The following ST6GALNAC3 variants were observed in gnomAD, a reference collection of about 807,000 sequenced individuals.
ST6GALNAC3 encodes the protein alpha-N-acetylgalactosaminide alpha-2,6-sialyltransferase 3.
In ST6GALNAC3, 25 loss-of-function variants were observed where a neutral mutation model predicts 32.7. The ratio of observed to expected loss-of-function variants is 0.76; its 90% CI spans 0.56 to 1.07. The LOEUF (loss-of-function observed/expected upper bound fraction) is 1.07, where lower values mean the gene tolerates loss of function less well. Ranked by LOEUF, ST6GALNAC3 falls within the 50% of genes least tolerant of loss-of-function variation. The pLI, the probability that ST6GALNAC3 is intolerant of heterozygous loss-of-function variation, is 0.00. For synonymous variants in ST6GALNAC3, 129 were observed against 133.1 expected, an observed-to-expected ratio of 0.97 and a Z score of 0.21; for missense variants, 355 against 382.4, an observed-to-expected ratio of 0.93 and a Z score of 0.60.
intron 3 of ST6GALNAC3, among the ~76,000 whole-genome samples, chr1:76,624,686 G>T (rs1434426111): frequency 6.6e-6 from 1 of 151,596 alleles, no homozygotes; most frequent in Non-Finnish European, 1.5e-5. Context: ...TAGCACTATG[G>T]TTCAGTTATG....
At chr1:76,386,921 TA>T (rs1652140186) in intron 2 of ST6GALNAC3, among the ~76,000 whole-genome samples, 2 of 152,280 alleles carry the variant, frequency 1.3e-5, no homozygotes, top group Non-Finnish European at 2.9e-5. Context: ...ATGGAAGTTT[TA>T]TTTTAGGGCC....
intron 1 of ST6GALNAC3, among the ~76,000 whole-genome samples, chr1:76,102,414 G>C (rs1647264481): frequency 6.6e-6 from 1 of 151,984 alleles, no homozygotes; most frequent in Admixed American, 6.6e-5. Flanking sequence ...ATACACGGGT[G>C]GGTTGAAATT....
intron 1 of ST6GALNAC3, among the ~76,000 whole-genome samples, chr1:76,094,860 C>T (rs1386870317): frequency 6.6e-6 from 1 of 152,038 alleles, no homozygotes; most frequent in Non-Finnish European, 1.5e-5. Flanking sequence ...TATCTCTGAA[C>T]AGATTCCTCA....
At chr1:76,569,709 T>C (rs982573121) in intron 3 of ST6GALNAC3, among the ~76,000 whole-genome samples, 3 of 152,110 alleles carry the variant, frequency 2.0e-5, no homozygotes, top group African/African-American at 7.2e-5. Context: ...TCACCATATA[T>C]ATTTCTTATG....
intron 1 of ST6GALNAC3, among the ~76,000 whole-genome samples, chr1:76,152,975 G>T (rs1651147706): frequency 6.6e-6 from 1 of 152,120 alleles, no homozygotes; most frequent in Admixed American, 6.5e-5. Context: ...AAAATGTTGT[G>T]CAAGTCTTAT....
chr1:76,192,447 G>A (rs1653950288), intron 1 of ST6GALNAC3, among the ~76,000 whole-genome samples: 1 of 152,086 alleles, frequency 6.6e-6, no homozygotes, highest in African/African-American at 2.4e-5. Flanking sequence ...TGCTCTCACA[G>A]GACATCTGTG....
chr1:76,085,482 A>T (rs773846654), intron 1 of ST6GALNAC3, among the ~76,000 whole-genome samples: 4 of 152,164 alleles, frequency 2.6e-5, no homozygotes, highest in African/African-American at 4.8e-5. Context: ...GGAAGAGGAG[A>T]CTGAAGCTTA....
chr1:76,252,853 A>G (rs1018290329), intron 1 of ST6GALNAC3, among the ~76,000 whole-genome samples: 4 of 152,148 alleles, frequency 2.6e-5, no homozygotes, highest in South Asian at 4.1e-4. Flanking sequence ...TCATAAGGCA[A>G]TCTCTCATGG....
chr1:76,457,498 A>G (rs1375462823), intron 3 of ST6GALNAC3, among the ~76,000 whole-genome samples: 2 of 151,220 alleles, frequency 1.3e-5, no homozygotes, highest in Admixed American at 1.3e-4. Context: ...CTATACTACA[A>G]GTAACCAAAA....
intron 3 of ST6GALNAC3, among the ~76,000 whole-genome samples, chr1:76,505,283 C>T (rs937266929): frequency 1.3e-5 from 2 of 151,976 alleles, no homozygotes; most frequent in Non-Finnish European, 2.9e-5. Context: ...CCACCATGCC[C>T]AGCTAATTTT....
rs115820636 is a variant in ST6GALNAC3 at position 76,239,567 on chromosome 1, G to C, written c.19-74238G>C. The stretch of plus-strand genomic sequence containing the variant: ...GAGGGAGCAAGGGGGGAAGGGAGAA[G>C]ATGCCAGACTCTTTAAACAAACAGC... On this transcript the variant is annotated intron_variant, in intron 1 of 4. Coordinates refer to ENST00000328299, the MANE Select transcript of ST6GALNAC3 (RefSeq NM_152996.4). Among the ~76,000 whole-genome samples the C allele has an allele frequency of 1.3e-3, 193 of 152,144 alleles. 3 individuals are homozygous for C. The highest frequency in any genetic ancestry group is 4.6e-3 in the African/African-American group (190 of 41,496).
intron 3 of ST6GALNAC3, among the ~76,000 whole-genome samples, chr1:76,478,343 T>C (rs1187326654): frequency 2.6e-5 from 4 of 152,240 alleles, no homozygotes; most frequent in Non-Finnish European, 5.9e-5. Flanking sequence ...GTTACTCTAC[T>C]GTATGGTGGA....
At chr1:76,634,866 A>T (rs1649465039), downstream of ST6GALNAC3, among the ~76,000 whole-genome samples, 1 of 105,732 alleles carries the variant, frequency 9.5e-6, no homozygotes, top group South Asian at 2.9e-4. Flanking sequence ...CGCCCGGCTA[A>T]TTTTTTGTAT....
chr1:76,157,880 A>G (rs1651560308), intron 1 of ST6GALNAC3, among the ~76,000 whole-genome samples: 1 of 152,226 alleles, frequency 6.6e-6, no homozygotes, highest in Non-Finnish European at 1.5e-5. Context: ...TATAATTGTA[A>G]TAATATAGGA....
At chr1:76,096,670 A>G in intron 1 of ST6GALNAC3, among the ~76,000 whole-genome samples, 1 of 151,970 alleles carries the variant, frequency 6.6e-6, no homozygotes, top group East Asian at 1.9e-4. Flanking sequence ...TTTATCATGA[A>G]GTGAATATAT....
intron 3 of ST6GALNAC3, among the ~76,000 whole-genome samples, chr1:76,505,009 G>T: frequency 6.6e-6 from 1 of 152,118 alleles, no homozygotes; most frequent in Admixed American, 6.5e-5. Context: ...ATATCTTTCC[G>T]TCATAGTCCT....
intron 1 of ST6GALNAC3, among the ~76,000 whole-genome samples, chr1:76,289,611 G>C (rs995350347): frequency 1.3e-5 from 2 of 152,178 alleles, no homozygotes; most frequent in African/African-American, 4.8e-5. Flanking sequence ...GATGAGTGGA[G>C]AGGAAAAAAG....
At chr1:76,635,581 C>A (rs1393590934), downstream of ST6GALNAC3, among the ~76,000 whole-genome samples, 1 of 152,162 alleles carries the variant, frequency 6.6e-6, no homozygotes. Flanking sequence ...CCATACCTAT[C>A]TGGGGAAGGC....
intron 3 of ST6GALNAC3, among the ~76,000 whole-genome samples, chr1:76,424,979 CA>C (rs1425494145): frequency 1.3e-5 from 2 of 151,924 alleles, no homozygotes; most frequent in African/African-American, 4.8e-5. Context: ...GCTGAAATCT[CA>C]GTGGAACTAA....
Sources: allele counts gnomAD v4.1 joint callset (sites outside exome capture counted in the v4.1 genomes callset), GRCh38; gene constraint gnomAD v4.1.1; transcripts MANE v1.5; gene names NCBI Gene and HGNC (gene_info 2026-07-23, HGNC 2026-07-21).